The following CHN2 variants were observed in gnomAD, a reference collection of about 807,000 sequenced individuals.
CHN2 encodes chimerin 2, also known as beta-chimaerin.
CHN2 carries 35 observed loss-of-function variants against 56.3 expected under a neutral mutation model. The observed-to-expected ratio is 0.62, with a 90% confidence interval of 0.47 to 0.82. CHN2 has a LOEUF of 0.82. Among genes scored for constraint, CHN2 ranks in the 40% least tolerant of loss-of-function variants. CHN2 has a pLI of 0.00. For synonymous variants in CHN2, 210 were observed against 212.8 expected (o/e 0.99, Z 0.12); for missense variants, 491 against 580.5 (o/e 0.85, Z 1.58).
chr7:29,393,728 C>T lies in CHN2; in HGVS notation c.176+18C>T. 2 of 799,124 alleles carry T rather than the reference C, an allele frequency of 2.5e-6. No homozygotes were observed. Among genetic ancestry groups the T allele is most frequent in the East Asian group, 5.9e-5 (1 of 16,826 alleles). 49.5% of individuals were successfully genotyped at this position (799,124 alleles called of 1,614,324 possible). On this transcript the variant is annotated intron_variant, in intron 4 of 12. Transcript: ENST00000222792. ...GGAAGAGAGTATGTATTATACTATT[C>T]TTTGTTTTAATAATTTAATAAGTAG...
rs561033744 is a variant in CHN2, at chr7:29,329,926, C to G, written c.50-24699C>G. Reference sequence around the variant, plus strand: ...TTCTCACTTTTCTGAACTCCCAGAGCTCTCACTGTCTGGACTATTCATATC... The same window carrying G: ...TTCTCACTTTTCTGAACTCCCAGAGGTCTCACTGTCTGGACTATTCATATC... On this transcript the variant is annotated intron_variant, in intron 1 of 12. Transcript: ENST00000222792. 2.0e-5 allele frequency among the ~76,000 whole-genome samples: 3 copies of G among 152,306 alleles called. No homozygotes were observed. The South Asian group carries it at 6.2e-4, about 32-fold the overall frequency.
At chr7:29,459,221 A>G (rs539500222) in intron 6 of CHN2, among the ~76,000 whole-genome samples, 5 of 152,288 alleles carry the variant, frequency 3.3e-5, no homozygotes, top group African/African-American at 9.6e-5. Context: ...TAAAGTTCTC[A>G]TGTGTCTTTC....
At chr7:29,363,283 C>T (rs541577291) in intron 2 of CHN2, among the ~76,000 whole-genome samples, 16 of 152,288 alleles carry the variant, frequency 1.1e-4, no homozygotes, top group Admixed American at 3.9e-4. Flanking sequence ...GTCAGGAGTT[C>T]GAGACCAGCC....
intron 9 of CHN2, 104 bp downstream of exon 9, chr7:29,500,144 A>G: frequency 1.2e-6 from 1 of 866,288 alleles, no homozygotes; most frequent in Non-Finnish European, 1.7e-6. Flanking sequence ...CTTGTTGGGA[A>G]AATGACCTAC....
At chr7:29,479,882 G>A (rs3828977) in intron 6 of CHN2, 811,699 of 1,393,512 alleles carry the variant, frequency 0.58, 237,109 homozygotes, top group South Asian at 0.59. Flanking sequence ...TGTTCCAGGC[G>A]CACGTCGGCC....
intron 3 of CHN2, among the ~76,000 whole-genome samples, chr7:29,388,002 A>C (rs1801056306): frequency 6.6e-6 from 1 of 152,208 alleles, no homozygotes; most frequent in Non-Finnish European, 1.5e-5. Context: ...TATATTGTGA[A>C]AAGATTGCTA....
chr7:29,390,150 T>C (rs779174389), intron 3 of CHN2, among the ~76,000 whole-genome samples: 1 of 152,154 alleles, frequency 6.6e-6, no homozygotes. Context: ...TTCATGTGTT[T>C]TCTCACTCAA....
chr7:29,305,315 G>C (rs1794054000), intron 1 of CHN2, among the ~76,000 whole-genome samples: 1 of 152,020 alleles, frequency 6.6e-6, no homozygotes, highest in Admixed American at 6.6e-5. Context: ...ACTATGTCAG[G>C]CAACCCCATT....
At chr7:29,164,345 CTCT>C (rs1196931195) in intron 2 of CHN2, among the ~76,000 whole-genome samples, 2 of 152,066 alleles carry the variant, frequency 1.3e-5, no homozygotes, top group Non-Finnish European at 2.9e-5. Flanking sequence ...TAGGTTGTTT[CTCT>C]TCTTATTAAG....
rs368366108 is a variant in CHN2 at position 29,447,975 on chromosome 7, A to T, written c.577-32304A>T. On this transcript the variant is annotated intron_variant, in intron 6 of 12. Coordinates refer to ENST00000222792, the MANE Select transcript of CHN2 (RefSeq NM_004067.4). ...AGATAGTCTGGGATGAGGCCCAAGC[A>T]TCCGTATTTTTAAGAGCTTGGCAAT... Among the ~76,000 whole-genome samples, 3 of 152,218 alleles carry T rather than the reference A, an allele frequency of 2.0e-5. No homozygotes were observed. The East Asian group carries it at 5.8e-4, about 29-fold the overall frequency.
intron 11 of CHN2, among the ~76,000 whole-genome samples, chr7:29,507,778 A>T (rs1420140): frequency 3.4e-4 from 51 of 152,018 alleles, no homozygotes; most frequent in African/African-American, 1.2e-3. Flanking sequence ...ATATACTAAC[A>T]TTAATGATAG....
At position 29,332,167 on chromosome 7, in the gene CHN2, G is replaced by T. The variant is rs553547905; in HGVS notation, c.50-22458G>T. On this transcript the variant is annotated intron_variant, in intron 1 of 12. Transcript: ENST00000222792. ...AGCAGCGGTTGAGAACTCCCGCAGTGGCGCGAGACTGTCCAAGCTCCACCC... is the reference window on the plus strand; with the variant it reads ...AGCAGCGGTTGAGAACTCCCGCAGTTGCGCGAGACTGTCCAAGCTCCACCC... 8.5e-5 allele frequency among the ~76,000 whole-genome samples: 13 copies of T among 152,332 alleles called. 1 individual carries two copies. The South Asian group carries it at 1.4e-3, about 17-fold the overall frequency.
chr7:29,444,733 G>A (rs1304526931), intron 6 of CHN2, among the ~76,000 whole-genome samples: 4 of 152,238 alleles, frequency 2.6e-5, no homozygotes, highest in Admixed American at 2.6e-4. Context: ...AATGGGAGGA[G>A]TGGCTTGCAT....
chr7:29,180,137 G>GT (rs1562811617), intron 2 of CHN2, among the ~76,000 whole-genome samples: 2 of 152,178 alleles, frequency 1.3e-5, no homozygotes, highest in South Asian at 2.1e-4. Context: ...TTCCCCAATA[G>GT]TTTTTTTATT....
At chr7:29,189,478 C>T (rs1032852567) in intron 2 of CHN2, among the ~76,000 whole-genome samples, 1 of 152,116 alleles carries the variant, frequency 6.6e-6, no homozygotes, top group Non-Finnish European at 1.5e-5. Context: ...CCTGCTTTTG[C>T]CCAGAGCAGG....
chr7:29,430,351 A>G (rs1267985653), intron 6 of CHN2, among the ~76,000 whole-genome samples: 1 of 152,226 alleles, frequency 6.6e-6, no homozygotes, highest in Non-Finnish European at 1.5e-5. Context: ...AAAGCTTTAG[A>G]CAAATTAAAT....
chr7:29,439,002 C>T lies in CHN2; in HGVS notation c.576+38174C>T, dbSNP rs114933341. Reference sequence around the variant, plus strand: ...TCTATAACCAGAGATGCCTGTTTACCTCATATCTATCAGAGGGCTAATGAA... The same window carrying T: ...TCTATAACCAGAGATGCCTGTTTACTTCATATCTATCAGAGGGCTAATGAA... On this transcript the variant is annotated intron_variant, in intron 6 of 12. Transcript: ENST00000222792. 6.4e-3 allele frequency among the ~76,000 whole-genome samples: 970 copies of T among 152,286 alleles called. 12 individuals are homozygous for T. Among genetic ancestry groups the T allele is most frequent in the African/African-American group, 0.022 (906 of 41,556 alleles).
chr7:29,358,730 C>G (rs1393039374), intron 2 of CHN2, among the ~76,000 whole-genome samples: 1 of 152,138 alleles, frequency 6.6e-6, no homozygotes, highest in Non-Finnish European at 1.5e-5. Flanking sequence ...TCCCAAAGTG[C>G]TGGGATTACA....
intron 1 of CHN2, among the ~76,000 whole-genome samples, chr7:29,267,538 C>T (rs1307407714): frequency 5.9e-5 from 9 of 152,188 alleles, no homozygotes; most frequent in Admixed American, 3.3e-4. Flanking sequence ...TCACCATGCC[C>T]GGCCTAAGTG....
Sources: allele counts gnomAD v4.1 joint callset (sites outside exome capture counted in the v4.1 genomes callset), GRCh38; gene constraint gnomAD v4.1.1; transcripts MANE v1.5; gene names NCBI Gene and HGNC (gene_info 2026-07-23, HGNC 2026-07-21).